CBL: variants seen among roughly 807,000 people sequenced by gnomAD.
CBL encodes Cbl proto-oncogene.
CBL carries 45 observed loss-of-function variants against 96.9 expected under a neutral mutation model. That is an observed-to-expected ratio of 0.46 (90% CI 0.37 to 0.60). The LOEUF is 0.60. Among genes scored for constraint, CBL ranks in the 20% least tolerant of loss-of-function variants. The probability of loss-of-function intolerance (pLI) is 0.00; values close to 1 mark genes in which losing one functional copy is unlikely to be tolerated. For missense variants in CBL, 1,024 were observed against 1,143.5 expected, an observed-to-expected ratio of 0.90 and a Z score of 1.51; for synonymous variants, 420 against 426.8, an observed-to-expected ratio of 0.98 and a Z score of 0.20.
chr11:119,291,285 G>C (rs935129548), intron 12 of CBL, among the ~76,000 whole-genome samples: 1 of 152,148 alleles, frequency 6.6e-6, no homozygotes, highest in African/African-American at 2.4e-5. Context: ...CCAGCTACTG[G>C]GGAGGCTAAG....
rs1001853569 is a variant in CBL, at chr11:119,305,678, G to A, written c.*5897G>A. 1.3e-5 allele frequency: 3 copies of A among 224,640 alleles called. No homozygotes were observed. The highest frequency in any genetic ancestry group is 2.7e-5 in the Non-Finnish European group (3 of 112,904). The allele number at this position is 224,640 out of a possible 1,614,324, so 13.9% of individuals were successfully genotyped here. On this transcript the variant is annotated 3_prime_UTR_variant, in exon 16 of 16. Coordinates refer to ENST00000264033, the MANE Select transcript of CBL (RefSeq NM_005188.4). Reference sequence around the variant, plus strand: ...TCCAGTTTAGGATAGAGTTTTTACCGAGAGCTCTTTAGACAGTATACCTGT... The same window carrying A: ...TCCAGTTTAGGATAGAGTTTTTACCAAGAGCTCTTTAGACAGTATACCTGT...
In CBL at chr11:119,284,989, A is replaced by C. The variant is rs777194228; in HGVS notation, c.1452A>C (p.Pro484=). ...CCTAGGTGGAACGGCCGCCTTCTCC[A>C]TTCTCCATGGCCCCACAAGCTTCCC... ...AGAKVERPPS[P]FSMAPQASLP... Residue 484 remains proline (P), a synonymous_variant, in exon 10 of 16, where the codon CCA becomes CCC. Transcript: ENST00000264033. 8.1e-6 allele frequency: 13 copies of C among 1,614,068 alleles called. 1 individual carries two copies. In the South Asian group the frequency reaches 1.4e-4, roughly 18 times the overall value.
intron 1 of CBL, among the ~76,000 whole-genome samples, chr11:119,222,958 T>C (rs1406603122): frequency 6.6e-6 from 1 of 152,050 alleles, no homozygotes; most frequent in African/African-American, 2.4e-5. Context: ...GCAGGATAAC[T>C]TGAGGCCAGG....
At chr11:119,266,791 C>T (rs1949806232) in intron 2 of CBL, among the ~76,000 whole-genome samples, 1 of 152,176 alleles carries the variant, frequency 6.6e-6, no homozygotes, top group African/African-American at 2.4e-5. Context: ...GAATGACCTC[C>T]TTCCTCAGCA....
intron 2 of CBL, among the ~76,000 whole-genome samples, chr11:119,261,973 TAAA>T (rs1425322043): frequency 2.0e-5 from 3 of 152,168 alleles, no homozygotes; most frequent in Non-Finnish European, 4.4e-5. Flanking sequence ...GTGATTTTTT[TAAA>T]AAAGATATAA....
intron 2 of CBL, among the ~76,000 whole-genome samples, chr11:119,258,497 G>A (rs1343540047): frequency 6.6e-6 from 1 of 152,090 alleles, no homozygotes; most frequent in African/African-American, 2.4e-5. Flanking sequence ...ACCAAGAGGG[G>A]ATAGTGCTAA....
chr11:119,237,035 C>T lies in CBL; in HGVS notation c.443+4340C>T, dbSNP rs376507542. Among the ~76,000 whole-genome samples the T allele has an allele frequency of 1.1e-3, 170 of 152,246 alleles. 8 individuals carry two copies. The South Asian group carries it at 0.034, about 30-fold the overall frequency. Reference sequence around the variant, plus strand: ...TAATTTCACAACGTTCTACTTTATCCCAGCTGGGATGCAAAGCATCCCTTT... The same window carrying T: ...TAATTTCACAACGTTCTACTTTATCTCAGCTGGGATGCAAAGCATCCCTTT... On this transcript the variant is annotated intron_variant, in intron 2 of 15. Transcript: ENST00000264033.
chr11:119,240,901 C>T (rs1179897172), intron 2 of CBL, among the ~76,000 whole-genome samples: 4 of 151,876 alleles, frequency 2.6e-5, no homozygotes, highest in African/African-American at 7.3e-5. Context: ...CGTGAAACCC[C>T]GTCTCTACTA....
intron 1 of CBL, among the ~76,000 whole-genome samples, chr11:119,223,773 C>T (rs1295073087): frequency 2.0e-5 from 3 of 151,940 alleles, no homozygotes; most frequent in South Asian, 2.1e-4. Flanking sequence ...ATTACAGGCA[C>T]GTGCCACCAC....
intron 2 of CBL, among the ~76,000 whole-genome samples, chr11:119,261,338 C>T (rs1423137253): frequency 1.3e-5 from 2 of 152,106 alleles, no homozygotes; most frequent in South Asian, 2.1e-4. Flanking sequence ...TTAGTATTAG[C>T]TACTCTGTTT....
chr11:119,218,270 A>G (rs557409864), intron 1 of CBL, among the ~76,000 whole-genome samples: 59 of 152,276 alleles, frequency 3.9e-4, no homozygotes, highest in African/African-American at 1.3e-3. Flanking sequence ...CCTCTATGCT[A>G]TAGAGTCACT....
At chr11:119,278,939 G>C (rs538502308) in intron 9 of CBL, among the ~76,000 whole-genome samples, 25 of 152,310 alleles carry the variant, frequency 1.6e-4, no homozygotes, top group Admixed American at 1.6e-3. Context: ...TTTAACAGAT[G>C]AAGAAACTGA....
intron 6 of CBL, among the ~76,000 whole-genome samples, chr11:119,277,370 CT>C (rs1800042193): frequency 6.6e-6 from 1 of 151,902 alleles, no homozygotes; most frequent in South Asian, 2.1e-4. Context: ...GCCAAGATAG[CT>C]TTTCCTAAGA....
intron 14 of CBL, 91 bp from the exon 15 acceptor site, chr11:119,298,267 A>G (rs1475475781): frequency 1.8e-6 from 2 of 1,092,938 alleles, no homozygotes; most frequent in East Asian, 4.7e-5. Flanking sequence ...AAATGATTGC[A>G]TACATGTAAA....
chr11:119,277,266 C>CACACACACACACACACAT lies in CBL; in HGVS notation c.1008-486_1008-485insCACACACACACATACACA, dbSNP rs1555229986. Among the ~76,000 whole-genome samples the CACACACACACACACACAT allele has an allele frequency of 2.3e-4, 35 of 151,768 alleles. 1 individual carries two copies. Among genetic ancestry groups the CACACACACACACACACAT allele is most frequent in the Admixed American group, 6.6e-5 (1 of 15,246 alleles). ...GCACACACACACACACACACACACA[C>CACACACACACACACACAT]ACACATAAAGAATTTCTATCTGGTG... On this transcript the variant is annotated intron_variant, in intron 6 of 15. Coordinates refer to ENST00000264033, the MANE Select transcript of CBL (RefSeq NM_005188.4).
chr11:119,220,631 C>A (rs1269871567), intron 1 of CBL, among the ~76,000 whole-genome samples: 1 of 152,090 alleles, frequency 6.6e-6, no homozygotes, highest in African/African-American at 2.4e-5. Flanking sequence ...TATATAAAAA[C>A]TGCATGGTTA....
intron 4 of CBL, among the ~76,000 whole-genome samples, chr11:119,274,479 CTG>C (rs564151455): frequency 1.9e-3 from 291 of 152,282 alleles, no homozygotes; most frequent in Middle Eastern, 0.014. Context: ...CTGGTGTTGT[CTG>C]TGCCAATTTG....
At chr11:119,277,673 G>C in intron 6 of CBL, 84 bp from the exon 7 acceptor site, 1 of 889,842 alleles carries the variant, frequency 1.1e-6, no homozygotes, top group Non-Finnish European at 1.9e-6. Flanking sequence ...TTAGAATGGA[G>C]AAACTCCCAG....
intron 2 of CBL, among the ~76,000 whole-genome samples, chr11:119,244,891 A>G (rs1949614105): frequency 6.6e-6 from 1 of 151,716 alleles, no homozygotes; most frequent in African/African-American, 2.4e-5. Flanking sequence ...TTGTCACACA[A>G]GACTGGAGTC....
Sources: gnomAD v4.1 joint callset for allele counts (sites outside exome capture counted in the v4.1 genomes callset) on GRCh38, gnomAD v4.1.1 for gene constraint, MANE v1.5 for transcripts, NCBI Gene and HGNC (gene_info 2026-07-23, HGNC 2026-07-21) for gene names.